Variants in HDAC9 observed in about 807,000 individuals in gnomAD.
HDAC9 encodes the protein MEF-2 interacting transcription repressor (MITR) protein.
Under a neutral mutation model 139.4 loss-of-function variants are expected in HDAC9, and 41 were observed. The ratio of observed to expected loss-of-function variants is 0.29; its 90% CI spans 0.23 to 0.38. HDAC9 has a LOEUF of 0.38. Among genes scored for constraint, HDAC9 ranks in the 10% least tolerant of loss-of-function variants. The probability of loss-of-function intolerance (pLI) is 1.00; values close to 1 mark genes in which losing one functional copy is unlikely to be tolerated. For missense variants in HDAC9, 1,147 were observed against 1,297.0 expected (o/e 0.88, Z 1.78); for synonymous variants, 517 against 476.2 (o/e 1.09, Z -1.12).
intron 2 of HDAC9, among the ~76,000 whole-genome samples, chr7:18,526,127 G>A (rs1339352102): frequency 6.6e-6 from 1 of 152,122 alleles, no homozygotes; most frequent in Non-Finnish European, 1.5e-5. Context: ...AAGCAATTTT[G>A]AAATAATTTA....
chr7:18,722,188 C>T (rs986304827), intron 12 of HDAC9, among the ~76,000 whole-genome samples: 2 of 151,914 alleles, frequency 1.3e-5, no homozygotes, highest in Admixed American at 6.6e-5. Context: ...GGCAAAATAA[C>T]CCATCAAAAC....
At chr7:18,178,043 C>T (rs1044734255) in intron 2 of HDAC9, among the ~76,000 whole-genome samples, 2 of 151,594 alleles carry the variant, frequency 1.3e-5, no homozygotes, top group South Asian at 4.2e-4. Context: ...TCCTCCATCC[C>T]CCTACCTCCC....
At chr7:18,837,758 A>C (rs930184292) in intron 21 of HDAC9, among the ~76,000 whole-genome samples, 1 of 152,098 alleles carries the variant, frequency 6.6e-6, no homozygotes, top group African/African-American at 2.4e-5. Context: ...TTTCTAAAGA[A>C]CCTCTTTGAA....
At chr7:18,399,499 G>C (rs187489299) in intron 1 of HDAC9, among the ~76,000 whole-genome samples, 2 of 152,314 alleles carry the variant, frequency 1.3e-5, no homozygotes, top group African/African-American at 4.8e-5. Flanking sequence ...TTAAAGCACA[G>C]TAAAACTCAA....
intron 1 of HDAC9, among the ~76,000 whole-genome samples, chr7:18,330,087 A>G (rs757458072): frequency 9.9e-5 from 15 of 151,594 alleles, no homozygotes; most frequent in Admixed American, 2.6e-4. Context: ...TTTTCTGATT[A>G]TATTATTTTG....
At chr7:18,968,980 A>AAAAAAAAAAAAAAT in intron 24 of HDAC9, among the ~76,000 whole-genome samples, 1 of 150,566 alleles carries the variant, frequency 6.6e-6, no homozygotes, top group African/African-American at 2.4e-5. Flanking sequence ...AAAAAAAAAA[A>AAAAAAAAAAAAAAT]AAGAATCACT....
chr7:18,580,502 T>G (rs1239487768), intron 2 of HDAC9, among the ~76,000 whole-genome samples: 1 of 152,182 alleles, frequency 6.6e-6, no homozygotes, highest in African/African-American at 2.4e-5. Context: ...ATTTGCAACC[T>G]CAGACAAGCA....
At chr7:18,422,959 T>C (rs114350304) in intron 1 of HDAC9, among the ~76,000 whole-genome samples, 2,142 of 152,272 alleles carry the variant, frequency 0.014, 38 homozygotes, top group African/African-American at 0.048. Context: ...GCCCTTAAAG[T>C]GTAATGTGGA....
At chr7:18,540,058 G>A (rs1259815860) in intron 2 of HDAC9, among the ~76,000 whole-genome samples, 1 of 136,962 alleles carries the variant, frequency 7.3e-6, no homozygotes, top group Non-Finnish European at 1.5e-5. Flanking sequence ...AGGAGTTCGA[G>A]ACCAGCCTGG....
At chr7:18,569,726 T>A in intron 2 of HDAC9, among the ~76,000 whole-genome samples, 1 of 152,324 alleles carries the variant, frequency 6.6e-6, no homozygotes, top group South Asian at 2.1e-4. Context: ...CAGATATTTA[T>A]TTATTTATGT....
At chr7:18,706,198 T>C (rs1469388213) in intron 12 of HDAC9, among the ~76,000 whole-genome samples, 1 of 128,052 alleles carries the variant, frequency 7.8e-6, no homozygotes, top group Non-Finnish European at 1.6e-5. Flanking sequence ...TTATTCTCCC[T>C]GAGCCGCAAT....
chr7:18,177,161 T>A (rs1004533898), intron 2 of HDAC9, among the ~76,000 whole-genome samples: 6 of 152,180 alleles, frequency 3.9e-5, no homozygotes, highest in African/African-American at 1.4e-4. Context: ...CAGAAAAGAT[T>A]TGGGGTCTAT....
chr7:18,356,172 T>G (rs976353168), intron 1 of HDAC9, among the ~76,000 whole-genome samples: 2 of 152,088 alleles, frequency 1.3e-5, no homozygotes, highest in African/African-American at 4.8e-5. Flanking sequence ...AATCATTATT[T>G]GCATCAAATT....
At chr7:18,991,580 TGA>T (rs1785967169) in intron 25 of HDAC9, among the ~76,000 whole-genome samples, 1 of 150,856 alleles carries the variant, frequency 6.6e-6, no homozygotes, top group Admixed American at 6.6e-5. Flanking sequence ...GAGCTTGCAG[TGA>T]GCGGAGATGG....
At chr7:18,693,535 C>T (rs10230426) in intron 12 of HDAC9, among the ~76,000 whole-genome samples, 1 of 151,860 alleles carries the variant, frequency 6.6e-6, no homozygotes, top group Non-Finnish European at 1.5e-5. Flanking sequence ...AGGAGAGAGA[C>T]GAGGAGAGAA....
chr7:18,902,591 A>G (rs1801830736), intron 22 of HDAC9, among the ~76,000 whole-genome samples: 1 of 152,218 alleles, frequency 6.6e-6, no homozygotes, highest in Non-Finnish European at 1.5e-5. Context: ...TTCTAATAGA[A>G]TTGCCTGTGA....
At chr7:18,902,751 T>G (rs1294233908) in intron 22 of HDAC9, among the ~76,000 whole-genome samples, 1 of 152,144 alleles carries the variant, frequency 6.6e-6, no homozygotes, top group Non-Finnish European at 1.5e-5. Flanking sequence ...CATAAACAAA[T>G]AAGGAACACT....
At position 18,387,869 on chromosome 7, in the gene HDAC9, A is replaced by C. The variant is rs532469231; in HGVS notation, c.-42+97354A>C. Among the ~76,000 whole-genome samples, 155 of 152,170 alleles carry C rather than the reference A, an allele frequency of 1.0e-3. 1 individual carries two copies. The highest frequency in any genetic ancestry group is 1.7e-3 in the Non-Finnish European group (118 of 68,014). On this transcript the variant is annotated intron_variant, in intron 1 of 3. Transcript: ENST00000413509. Reference sequence around the variant, plus strand: ...GTAAAGCAATAAATTTTATTATGTCATTATGTGAAAAACATCTTAACATTT... The same window carrying C: ...GTAAAGCAATAAATTTTATTATGTCCTTATGTGAAAAACATCTTAACATTT...
intron 1 of HDAC9, among the ~76,000 whole-genome samples, chr7:18,133,490 G>C (rs1217439458): frequency 6.6e-6 from 1 of 152,078 alleles, no homozygotes; most frequent in Non-Finnish European, 1.5e-5. Context: ...TGGTAGCTTT[G>C]GCATCAGCTT....
Sources: gnomAD v4.1 joint callset for allele counts (sites outside exome capture counted in the v4.1 genomes callset) on GRCh38, gnomAD v4.1.1 for gene constraint, MANE v1.5 for transcripts, NCBI Gene and HGNC (gene_info 2026-07-23, HGNC 2026-07-21) for gene names.